NLGN1: variants seen among roughly 807,000 people sequenced by gnomAD.
NLGN1 encodes neuroligin 1.
In NLGN1, 12 loss-of-function variants were observed where a neutral mutation model predicts 65.5. The ratio of observed to expected loss-of-function variants is 0.18; its 90% confidence interval spans 0.12 to 0.30. NLGN1 has a LOEUF of 0.30. NLGN1 is among the 10% of genes least tolerant of loss of function. The probability of loss-of-function intolerance (pLI) is 1.00; values close to 1 mark genes in which losing one functional copy is unlikely to be tolerated. For missense variants in NLGN1, 750 were observed against 1,007.1 expected (o/e 0.74, Z 3.46); for synonymous variants, 350 against 359.5 (o/e 0.97, Z 0.30).
chr3:173,787,285 G>C (rs901027109), intron 3 of NLGN1, among the ~76,000 whole-genome samples: 1 of 152,096 alleles, frequency 6.6e-6, no homozygotes, highest in Non-Finnish European at 1.5e-5. Flanking sequence ...TAATACAGCT[G>C]TTTCTATCTT....
intron 4 of NLGN1, among the ~76,000 whole-genome samples, chr3:174,255,729 G>C (rs1263493723): frequency 2.6e-5 from 4 of 151,414 alleles, no homozygotes; most frequent in African/African-American, 4.9e-5. Context: ...TGTGATCTCG[G>C]CTTAGTGCAA....
chr3:173,814,346 T>A (rs1374667999), intron 4 of NLGN1, among the ~76,000 whole-genome samples: 1 of 152,232 alleles, frequency 6.6e-6, no homozygotes, highest in Non-Finnish European at 1.5e-5. Flanking sequence ...TTATGTCAAC[T>A]GGGTTTTAAT....
At chr3:174,129,586 C>T (rs774926985) in intron 4 of NLGN1, among the ~76,000 whole-genome samples, 54 of 152,140 alleles carry the variant, frequency 3.5e-4, no homozygotes, top group East Asian at 7.7e-4. Context: ...TTTTTGAGGG[C>T]GTTGACTTTT....
chr3:173,433,958 A>G (rs1717643123), intron 1 of NLGN1, among the ~76,000 whole-genome samples: 1 of 152,212 alleles, frequency 6.6e-6, no homozygotes, highest in African/African-American at 2.4e-5. Flanking sequence ...ATGATGAAAT[A>G]TAGAAGAGTG....
chr3:174,201,247 A>AGAACAG (rs1299767005), intron 4 of NLGN1, among the ~76,000 whole-genome samples: 4 of 149,292 alleles, frequency 2.7e-5, no homozygotes. Flanking sequence ...TCTTTCGAAA[A>AGAACAG]GAACAGGAAC....
intron 4 of NLGN1, chr3:173,912,610 C>A (rs1359280802): frequency 1.3e-5 from 2 of 152,032 alleles, no homozygotes; most frequent in Non-Finnish European, 2.9e-5. Flanking sequence ...GAAAAACAAT[C>A]CGCATTCCTA....
chr3:173,582,806 TA>T (rs1559999399), intron 2 of NLGN1, among the ~76,000 whole-genome samples: 1 of 152,148 alleles, frequency 6.6e-6, no homozygotes. Context: ...TTGGCTTTTT[TA>T]TGTTGTTTAG....
chr3:174,270,071 C>A (rs1749061600), intron 4 of NLGN1, among the ~76,000 whole-genome samples: 1 of 145,416 alleles, frequency 6.9e-6, no homozygotes, highest in Admixed American at 6.9e-5. Flanking sequence ...GATATTAATA[C>A]TTTATCAAAT....
Position 173,657,903 on chromosome 3 carries a change from G to A in NLGN1, c.493+52812G>A, listed in dbSNP as rs555066911. Among the ~76,000 whole-genome samples the A allele has an allele frequency of 2.6e-5, 4 of 151,890 alleles. No individual in the cohort carries two copies. The South Asian group carries it at 8.3e-4, about 32-fold the overall frequency. On this transcript the variant is annotated intron_variant, in intron 3 of 6. Transcript: ENST00000457714. ...CTCTCCTTTTTTTCATATAAAATCT[G>A]ATGAATGTGACAAGTTTATGCCTGA...
chr3:174,233,408 C>A (rs1741098844), intron 4 of NLGN1, among the ~76,000 whole-genome samples: 1 of 151,962 alleles, frequency 6.6e-6, no homozygotes, highest in African/African-American at 2.4e-5. Context: ...ATCGCTTGAA[C>A]CCGGGAGGCA....
intron 4 of NLGN1, among the ~76,000 whole-genome samples, chr3:173,963,346 T>C (rs1714053900): frequency 2.0e-5 from 3 of 152,164 alleles, no homozygotes; most frequent in Admixed American, 1.3e-4. Flanking sequence ...GTAGCAGACA[T>C]GTGCCTCAGA....
At chr3:173,815,549 C>T (rs1718865141) in intron 4 of NLGN1, among the ~76,000 whole-genome samples, 1 of 151,976 alleles carries the variant, frequency 6.6e-6, no homozygotes, top group Admixed American at 6.6e-5. Context: ...CTTTTTTGGC[C>T]TGCTTGTTTC....
At chr3:174,239,132 G>A (rs866381988) in intron 4 of NLGN1, among the ~76,000 whole-genome samples, 3 of 151,478 alleles carry the variant, frequency 2.0e-5, no homozygotes, top group South Asian at 4.2e-4. Flanking sequence ...GTGCAGTGGC[G>A]ATCTCAGCTC....
At chr3:174,101,794 A>C (rs1712566527) in intron 4 of NLGN1, among the ~76,000 whole-genome samples, 1 of 152,166 alleles carries the variant, frequency 6.6e-6, no homozygotes. Flanking sequence ...AATGAATGAA[A>C]ACATATTATC....
chr3:173,815,548 CCTG>C (rs1268049058), intron 4 of NLGN1, among the ~76,000 whole-genome samples: 1 of 152,002 alleles, frequency 6.6e-6, no homozygotes, highest in Non-Finnish European at 1.5e-5. Flanking sequence ...CCTTTTTTGG[CCTG>C]CTTGTTTCGT....
chr3:173,955,479 T>G (rs1022610017), intron 4 of NLGN1, among the ~76,000 whole-genome samples: 1 of 152,192 alleles, frequency 6.6e-6, no homozygotes, highest in African/African-American at 2.4e-5. Flanking sequence ...CAGTTTCTAA[T>G]TTTACATAAA....
At chr3:173,518,552 A>ATGTG (rs903577649) in intron 2 of NLGN1, among the ~76,000 whole-genome samples, 1 of 149,406 alleles carries the variant, frequency 6.7e-6, no homozygotes, top group African/African-American at 2.5e-5. Context: ...GTGTGCATGC[A>ATGTG]TGTGTGTGTG....
intron 4 of NLGN1, among the ~76,000 whole-genome samples, chr3:174,010,249 A>C (rs1029521291): frequency 3.4e-4 from 51 of 152,210 alleles, no homozygotes; most frequent in African/African-American, 1.2e-3. Flanking sequence ...GCATAAATGC[A>C]ATTAGCCATT....
chr3:174,273,944 T>C (rs1383375033), intron 4 of NLGN1, among the ~76,000 whole-genome samples: 1 of 151,736 alleles, frequency 6.6e-6, no homozygotes, highest in Non-Finnish European at 1.5e-5. Flanking sequence ...GGTAGTGTTA[T>C]CATGGTTTTG....
Sources: allele counts gnomAD v4.1 joint callset (sites outside exome capture counted in the v4.1 genomes callset), GRCh38; gene constraint gnomAD v4.1.1; transcripts MANE v1.5; gene names NCBI Gene and HGNC (gene_info 2026-07-23, HGNC 2026-07-21).